Variants in CSMD1 observed in about 807,000 individuals in gnomAD.
CSMD1 encodes the protein CUB and Sushi multiple domains 1.
CSMD1 carries 213 observed loss-of-function variants against 417.5 expected under a neutral mutation model. The observed-to-expected ratio is 0.51, with a 90% CI of 0.46 to 0.57. The LOEUF is 0.57. CSMD1 is among the 20% of genes least tolerant of loss of function. The pLI is 0.00. For synonymous variants in CSMD1, 2,862 were observed against 1,736.8 expected (o/e 1.65, Z -16.11); for missense variants, 6,923 against 4,529.7 (o/e 1.53, Z -15.17).
At chr8:4,776,348 T>A (rs1220708014) in intron 1 of CSMD1, among the ~76,000 whole-genome samples, 1 of 152,158 alleles carries the variant, frequency 6.6e-6, no homozygotes, top group Admixed American at 6.6e-5. Flanking sequence ...GCTACTAAGT[T>A]TTGAACAACT....
intron 3 of CSMD1, among the ~76,000 whole-genome samples, chr8:4,045,371 A>C (rs1798097699): frequency 6.6e-6 from 1 of 152,206 alleles, no homozygotes; most frequent in East Asian, 1.9e-4. Context: ...TTTCAAGGAC[A>C]CTGTCATTTA....
At chr8:3,260,794 A>G (rs1024424553) in intron 26 of CSMD1, among the ~76,000 whole-genome samples, 1 of 152,190 alleles carries the variant, frequency 6.6e-6, no homozygotes, top group African/African-American at 2.4e-5. Flanking sequence ...AAATGAATAA[A>G]TGAGACTTCA....
At chr8:4,727,718 A>C (rs890100281) in intron 1 of CSMD1, among the ~76,000 whole-genome samples, 1 of 151,900 alleles carries the variant, frequency 6.6e-6, no homozygotes, top group Non-Finnish European at 1.5e-5. Flanking sequence ...TTCTGCCAGT[A>C]ATCTTCCTCT....
intron 3 of CSMD1, among the ~76,000 whole-genome samples, chr8:4,065,879 A>G (rs11783073): frequency 0.44 from 66,829 of 152,052 alleles, 15,391 homozygotes; most frequent in Non-Finnish European, 0.47. Context: ...ACTGTCTTCC[A>G]TAAGAAAGAC....
intron 3 of CSMD1, among the ~76,000 whole-genome samples, chr8:4,100,415 G>A (rs1801245854): frequency 1.3e-5 from 2 of 152,234 alleles, no homozygotes; most frequent in East Asian, 1.9e-4. Context: ...CAACTACTCT[G>A]TAGCCCGTTC....
chr8:3,242,708 T>C (rs1426170278), intron 26 of CSMD1, among the ~76,000 whole-genome samples: 3 of 150,920 alleles, frequency 2.0e-5, no homozygotes, highest in Admixed American at 1.3e-4. Context: ...AGGTTGCCCA[T>C]AGTGAAGGAA....
chr8:4,703,870 C>G (rs757815349), intron 1 of CSMD1, among the ~76,000 whole-genome samples: 2 of 152,124 alleles, frequency 1.3e-5, no homozygotes, highest in Admixed American at 1.3e-4. Flanking sequence ...CCATGGACAG[C>G]AGGGTTGGGG....
intron 3 of CSMD1, among the ~76,000 whole-genome samples, chr8:4,305,529 C>A (rs1362298549): frequency 6.6e-6 from 1 of 152,176 alleles, no homozygotes; most frequent in African/African-American, 2.4e-5. Flanking sequence ...TGTCACAGAA[C>A]AACTTCCCAG....
At chr8:2,951,418 C>G in intron 65 of CSMD1, 143 bp from the exon 66 acceptor site, 2 of 813,076 alleles carry the variant, frequency 2.5e-6, no homozygotes, top group South Asian at 4.2e-5. Flanking sequence ...CCTAGTGCAT[C>G]GCTGTTCACA....
At chr8:3,079,924 G>C (rs1264136057) in intron 49 of CSMD1, among the ~76,000 whole-genome samples, 2 of 152,118 alleles carry the variant, frequency 1.3e-5, no homozygotes, top group East Asian at 1.9e-4. Context: ...CTTTGCACCA[G>C]TTCCGTCCTT....
At chr8:4,841,383 G>A (rs1488189355) in intron 1 of CSMD1, among the ~76,000 whole-genome samples, 1 of 152,150 alleles carries the variant, frequency 6.6e-6, no homozygotes, top group East Asian at 1.9e-4. Context: ...CTTGAAGGCA[G>A]GGACCACACC....
At chr8:3,203,918 T>C (rs1031927589) in intron 31 of CSMD1, among the ~76,000 whole-genome samples, 1 of 152,202 alleles carries the variant, frequency 6.6e-6, no homozygotes, top group Non-Finnish European at 1.5e-5. Flanking sequence ...CCGTAGTGTC[T>C]GGATTGCACA....
At chr8:3,835,397 G>GATT (rs200915424) in intron 5 of CSMD1, among the ~76,000 whole-genome samples, 2,334 of 152,174 alleles carry the variant, frequency 0.015, 55 homozygotes, top group African/African-American at 0.052. Context: ...CATAAAAAAT[G>GATT]ATGAGTTCAT....
intron 2 of CSMD1, among the ~76,000 whole-genome samples, chr8:4,432,549 A>T (rs1438643924): frequency 6.6e-6 from 1 of 152,188 alleles, no homozygotes; most frequent in Non-Finnish European, 1.5e-5. Context: ...CACAACATCC[A>T]TAAAACACCC....
intron 3 of CSMD1, among the ~76,000 whole-genome samples, chr8:4,149,182 T>A (rs1164021519): frequency 2.0e-5 from 3 of 152,126 alleles, no homozygotes; most frequent in African/African-American, 7.2e-5. Context: ...TAGGCTGGTC[T>A]CGAACTCCTG....
At chr8:4,684,813 A>C (rs1425306404) in intron 1 of CSMD1, among the ~76,000 whole-genome samples, 7 of 152,322 alleles carry the variant, frequency 4.6e-5, no homozygotes, top group African/African-American at 1.7e-4. Context: ...AGTAAGTAAA[A>C]AAGAGATAGC....
At chr8:4,631,719 C>T (rs1293500460) in intron 2 of CSMD1, among the ~76,000 whole-genome samples, 1 of 152,152 alleles carries the variant, frequency 6.6e-6, no homozygotes, top group African/African-American at 2.4e-5. Context: ...TTTAACAACA[C>T]TTATTCATGA....
chr8:3,403,866 C>T (rs1812187096), intron 15 of CSMD1, among the ~76,000 whole-genome samples: 1 of 152,114 alleles, frequency 6.6e-6, no homozygotes, highest in Admixed American at 6.5e-5. Context: ...ACATTTTGTA[C>T]AGCATAAAAC....
At chr8:4,370,215 G>A (rs538256385) in intron 3 of CSMD1, among the ~76,000 whole-genome samples, 1 of 152,106 alleles carries the variant, frequency 6.6e-6, no homozygotes, top group African/African-American at 2.4e-5. Flanking sequence ...TTAGTTTGGT[G>A]AGATACGAAA....
Sources: allele counts gnomAD v4.1 joint callset (sites outside exome capture counted in the v4.1 genomes callset), GRCh38; gene constraint gnomAD v4.1.1; transcripts MANE v1.5; gene names NCBI Gene and HGNC (gene_info 2026-07-23, HGNC 2026-07-21).